ICE2: variants seen among roughly 807,000 people sequenced by gnomAD.
The protein encoded by ICE2 is interactor of little elongation complex ELL subunit 2, also known as little elongation complex subunit 2.
In ICE2, 87 loss-of-function variants were observed where a neutral mutation model predicts 105.4. The ratio of observed to expected loss-of-function variants is 0.83; its 90% CI spans 0.69 to 0.99. ICE2 has a LOEUF of 0.99. Ranked by LOEUF, ICE2 falls within the 50% of genes least tolerant of loss-of-function variation. The pLI, the probability that ICE2 is intolerant of heterozygous loss-of-function variation, is 0.00. For missense variants in ICE2, 1,323 were observed against 1,146.7 expected (o/e 1.15, Z -2.22); for synonymous variants, 399 against 392.0 (o/e 1.02, Z -0.21).
At chr15:60,433,088 T>TG (rs2063498807) in intron 13 of ICE2, among the ~76,000 whole-genome samples, 1 of 141,398 alleles carries the variant, frequency 7.1e-6, no homozygotes, top group African/African-American at 2.5e-5. Context: ...AAAACACAGG[T>TG]TTTTTTTTTT....
intron 11 of ICE2, among the ~76,000 whole-genome samples, chr15:60,446,482 G>A (rs777601990): frequency 3.3e-5 from 5 of 152,016 alleles, no homozygotes; most frequent in African/African-American, 9.7e-5. Context: ...TGCAAGCTCC[G>A]CCTCCCAGGT....
rs2063262650 is a variant in ICE2 at position 60,423,044 on chromosome 15, A to G, written c.*590T>C. On this transcript the variant is annotated 3_prime_UTR_variant, in exon 16 of 16. Transcript: ENST00000261520. ...TTTATTAAACAAACTGATGGTTGCC[A>G]AACAAGAAGTCAGTAATCTGACTTT... 1 of 152,666 alleles carries G rather than the reference A, an allele frequency of 6.6e-6. No homozygotes were observed. The highest frequency in any genetic ancestry group is 1.5e-5 in the Non-Finnish European group (1 of 68,040). The allele number at this position is 152,666 out of a possible 1,614,324, so 9.5% of individuals were successfully genotyped here.
intron 12 of ICE2, among the ~76,000 whole-genome samples, chr15:60,437,251 T>C (rs554250637): frequency 4.6e-5 from 7 of 151,864 alleles, no homozygotes; most frequent in Non-Finnish European, 8.8e-5. Flanking sequence ...TAAGACTCCG[T>C]CTCAAAAAAT....
chr15:60,460,973 T>C lies in ICE2; in HGVS notation c.529-4179A>G, dbSNP rs536690707. On this transcript the variant is annotated intron_variant, in intron 5 of 15. Transcript: ENST00000261520. The stretch of plus-strand genomic sequence containing the variant: ...CACTTCCAGTTGGATAACTCCTTGT[T>C]GCGGGGGACATCACTCACATGCATT... Among the ~76,000 whole-genome samples, 3 of 152,206 alleles carry C rather than the reference T, an allele frequency of 2.0e-5. No homozygotes were observed. In the South Asian group the frequency reaches 6.2e-4, roughly 32 times the overall value.
At chr15:60,430,207 A>G (rs1566968785) in intron 14 of ICE2, among the ~76,000 whole-genome samples, 1 of 152,218 alleles carries the variant, frequency 6.6e-6, no homozygotes, top group Non-Finnish European at 1.5e-5. Flanking sequence ...GGGAGATGCG[A>G]CTGTACAACT....
At chr15:60,459,885 A>C (rs1321102583) in intron 5 of ICE2, among the ~76,000 whole-genome samples, 1 of 152,194 alleles carries the variant, frequency 6.6e-6, no homozygotes, top group Non-Finnish European at 1.5e-5. Context: ...CCTCAAAAGG[A>C]GTTTAAAAAA....
Position 60,456,770 on chromosome 15 carries a change from G to T in ICE2, c.553C>A (p.Gln185Lys). 1 of 1,505,886 alleles carries T rather than the reference G, an allele frequency of 6.6e-7. No individual in the cohort carries two copies. The highest frequency in any genetic ancestry group is 8.9e-7 in the Non-Finnish European group (1 of 1,127,406). The allele number at this position is 1,505,886 out of a possible 1,614,324, so 93.3% of individuals were successfully genotyped here. The change falls in exon 6 of 16, where the codon CAA (glutamine) becomes AAA (lysine). Residue 185 changes from glutamine to lysine, a missense_variant. Transcript: ENST00000261520. Reference sequence around the variant, plus strand: ...TAGAATTCTGAATACTTTTTCACTTGTTCAATGCAAGCTCTTAAAATTTTC... The same window carrying T: ...TAGAATTCTGAATACTTTTTCACTTTTTCAATGCAAGCTCTTAAAATTTTC... ...TEKILRACIE[Q>K]VKKYSEFYTL...
At chr15:60,478,175 G>T in intron 1 of ICE2, 106 bp from the exon 2 acceptor site, 2 of 597,454 alleles carry the variant, frequency 3.3e-6, no homozygotes, top group Non-Finnish European at 6.0e-6. Context: ...AACAGACTGT[G>T]GCACCTAAAA....
intron 15 of ICE2, among the ~76,000 whole-genome samples, chr15:60,427,703 C>T (rs573892319): frequency 6.6e-6 from 1 of 152,320 alleles, no homozygotes; most frequent in South Asian, 2.1e-4. Context: ...AGGTGTGAGC[C>T]ACTGCGCCCA....
chr15:60,466,236 T>G (rs1031290629), intron 5 of ICE2, among the ~76,000 whole-genome samples: 4 of 152,178 alleles, frequency 2.6e-5, no homozygotes, highest in African/African-American at 9.7e-5. Context: ...ACAAGTTCAC[T>G]TGACCGAGTT....
Position 60,445,590 on chromosome 15 carries a change from G to A in ICE2, c.2295+2380C>T, listed in dbSNP as rs971496091. On this transcript the variant is annotated intron_variant, in intron 11 of 15. Transcript: ENST00000261520. ...TCTATTTAGACAGTCTTTAGGGTGT[G>A]ACTATTTTGACATATTTTGATGAAG... The A allele has an allele frequency of 1.5e-5, 14 of 960,128 alleles. No individual in the cohort carries two copies. In the East Asian group the frequency reaches 3.4e-4, roughly 24 times the overall value. 59.5% of individuals were successfully genotyped at this position (960,128 alleles called of 1,614,324 possible). A position where few individuals can be genotyped will look rare whatever the true frequency, so the allele number is the denominator to read the frequency against.
chr15:60,456,904 T>G (rs1039680732), intron 5 of ICE2, 110 bp from the exon 6 acceptor site: 2 of 515,410 alleles, frequency 3.9e-6, no homozygotes, highest in Non-Finnish European at 3.3e-6. Context: ...ATTAGCCCGA[T>G]TTCATTAATC....
At chr15:60,424,841 T>C (rs2063306794) in intron 15 of ICE2, among the ~76,000 whole-genome samples, 2 of 152,200 alleles carry the variant, frequency 1.3e-5, no homozygotes, top group African/African-American at 4.8e-5. Flanking sequence ...TCCCTTGCTA[T>C]GTAGTCATGT....
At chr15:60,457,866 G>T (rs977121552) in intron 5 of ICE2, among the ~76,000 whole-genome samples, 1 of 152,122 alleles carries the variant, frequency 6.6e-6, no homozygotes, top group Non-Finnish European at 1.5e-5. Context: ...CTCCTTATTT[G>T]TACTATTAGT....
At chr15:60,459,713 G>C (rs2064220510) in intron 5 of ICE2, among the ~76,000 whole-genome samples, 1 of 152,140 alleles carries the variant, frequency 6.6e-6, no homozygotes, top group Admixed American at 6.5e-5. Context: ...TGTAATGAGA[G>C]TCAAAATGCT....
intron 3 of ICE2, among the ~76,000 whole-genome samples, chr15:60,474,391 TC>T (rs1239717611): frequency 2.7e-4 from 41 of 152,270 alleles, no homozygotes; most frequent in Middle Eastern, 6.8e-3. Flanking sequence ...AAAAGGCTGC[TC>T]ACTGTTTCTA....
At chr15:60,470,520 A>G (rs74020707) in intron 3 of ICE2, among the ~76,000 whole-genome samples, 3,511 of 152,288 alleles carry the variant, frequency 0.023, 153 homozygotes, top group African/African-American at 0.081. Flanking sequence ...ACTATCCTGC[A>G]TATTTTAACA....
At chr15:60,462,732 T>G (rs935893340) in intron 5 of ICE2, among the ~76,000 whole-genome samples, 1 of 152,028 alleles carries the variant, frequency 6.6e-6, no homozygotes, top group Non-Finnish European at 1.5e-5. Flanking sequence ...TCGCTCTCCC[T>G]CTCTCTCTCC....
chr15:60,449,749 A>G lies in ICE2; in HGVS notation c.1218T>C (p.Phe406=), dbSNP rs1566987583. 1.2e-6 allele frequency: 2 copies of G among 1,614,060 alleles called. No individual in the cohort carries two copies. The highest frequency in any genetic ancestry group is 1.7e-6 in the Non-Finnish European group (2 of 1,180,028). ...TTGATACTTTGGTGGTGGTTACTCC[A>G]AAAGTTTCAAGTTCTGTGACATCAT... ...FDDDVTELET[F]GVTTTKVSKS... The change falls in exon 10 of 16, where the codon TTT becomes TTC. Residue 406 remains phenylalanine (F), a synonymous_variant. Transcript: ENST00000261520.
Sources: allele counts gnomAD v4.1 joint callset (sites outside exome capture counted in the v4.1 genomes callset), GRCh38; gene constraint gnomAD v4.1.1; transcripts MANE v1.5; gene names NCBI Gene and HGNC (gene_info 2026-07-23, HGNC 2026-07-21).